The following BCL2L1 variants were observed in gnomAD, a reference collection of about 807,000 sequenced individuals.
BCL2L1 encodes the protein bcl-2-like protein 1.
A neutral mutation model predicts 18.7 loss-of-function variants in BCL2L1; 1 was observed. The observed-to-expected ratio is 0.05, with a 90% CI of 0.02 to 0.25. The LOEUF (loss-of-function observed/expected upper bound fraction) is 0.25. Among genes scored for constraint, BCL2L1 ranks in the 10% least tolerant of loss-of-function variants. The pLI is 1.00. For synonymous variants in BCL2L1, 103 were observed against 122.7 expected (o/e 0.84, Z 1.06); for missense variants, 207 against 304.9 (o/e 0.68, Z 2.39).
chr20:31,665,867 C>T lies in BCL2L1; in HGVS notation c.*82G>A. ...GGCATGGGCTGCATGTAGTGGTTCT[C>T]CTGGTGGCAATGGCGGCTGGACGGA... On this transcript the variant is annotated 3_prime_UTR_variant, in exon 3 of 3. Coordinates refer to ENST00000307677, the MANE Select transcript of BCL2L1 (RefSeq NM_138578.3). The T allele has an allele frequency of 6.4e-7, 1 of 1,555,584 alleles. No individual in the cohort carries two copies. The highest frequency in any genetic ancestry group is 1.4e-5 in the African/African-American group (1 of 74,066).
At chr20:31,716,284 T>A (rs531171909) in intron 2 of BCL2L1, among the ~76,000 whole-genome samples, 1 of 152,288 alleles carries the variant, frequency 6.6e-6, no homozygotes, top group African/African-American at 2.4e-5. Context: ...TGATCACTCT[T>A]TTAAAACTGC....
At chr20:31,717,805 T>A (rs1261794111) in intron 2 of BCL2L1, among the ~76,000 whole-genome samples, 1 of 152,206 alleles carries the variant, frequency 6.6e-6, no homozygotes, top group Non-Finnish European at 1.5e-5. Flanking sequence ...CCAACACAGT[T>A]CATTGCTCCC....
At chr20:31,702,758 C>T (rs1443284052) in intron 2 of BCL2L1, among the ~76,000 whole-genome samples, 10 of 151,144 alleles carry the variant, frequency 6.6e-5, no homozygotes, top group Non-Finnish European at 8.8e-5. Context: ...GTGATCCACC[C>T]GCCTCAGCCT....
chr20:31,716,927 C>G (rs2061545361), intron 2 of BCL2L1: 1 of 152,134 alleles, frequency 6.6e-6, no homozygotes. Flanking sequence ...TGACTCAGGT[C>G]TGCCAACTGG....
At chr20:31,716,247 C>G (rs1364657250) in intron 2 of BCL2L1, among the ~76,000 whole-genome samples, 2 of 152,136 alleles carry the variant, frequency 1.3e-5, no homozygotes, top group Non-Finnish European at 2.9e-5. Context: ...TAGAGGAAAG[C>G]CATTTTTTTC....
At chr20:31,698,531 CA>C (rs1281076232) in intron 2 of BCL2L1, among the ~76,000 whole-genome samples, 3 of 151,950 alleles carry the variant, frequency 2.0e-5, no homozygotes, top group African/African-American at 7.3e-5. Flanking sequence ...CTACTGGACC[CA>C]GTCGATTTTC....
intron 2 of BCL2L1, among the ~76,000 whole-genome samples, chr20:31,671,910 A>G (rs2060675587): frequency 6.8e-6 from 1 of 147,962 alleles, no homozygotes; most frequent in Admixed American, 6.8e-5. Flanking sequence ...TACTATATAT[A>G]TACTTTACAT....
At chr20:31,675,503 G>A (rs952564688) in intron 2 of BCL2L1, among the ~76,000 whole-genome samples, 2 of 152,176 alleles carry the variant, frequency 1.3e-5, no homozygotes, top group African/African-American at 4.8e-5. Context: ...GCGGAGACTC[G>A]GAAGAAGTGA....
intron 2 of BCL2L1, among the ~76,000 whole-genome samples, chr20:31,691,310 T>C (rs1568872145): frequency 6.6e-6 from 1 of 151,508 alleles, no homozygotes; most frequent in East Asian, 1.9e-4. Context: ...GGTCAGGAGT[T>C]GGAGACCAGC....
intron 2 of BCL2L1, among the ~76,000 whole-genome samples, chr20:31,699,717 C>A (rs2061245523): frequency 6.6e-6 from 1 of 152,230 alleles, no homozygotes; most frequent in South Asian, 2.1e-4. Flanking sequence ...CGTAAAGCTG[C>A]AGGACCCTGG....
chr20:31,718,235 G>A (rs1281029629), intron 2 of BCL2L1, among the ~76,000 whole-genome samples: 1 of 152,154 alleles, frequency 6.6e-6, no homozygotes, highest in African/African-American at 2.4e-5. Flanking sequence ...CTGGCTAAGG[G>A]TCTACACTTT....
At chr20:31,690,527 A>G (rs572146026) in intron 2 of BCL2L1, among the ~76,000 whole-genome samples, 12 of 150,632 alleles carry the variant, frequency 8.0e-5, no homozygotes, top group Admixed American at 8.0e-4. Context: ...ACTATCTCTC[A>G]CTCCAGTAGT....
intron 2 of BCL2L1, among the ~76,000 whole-genome samples, chr20:31,716,380 T>G (rs1223061528): frequency 6.6e-6 from 1 of 152,122 alleles, no homozygotes; most frequent in Non-Finnish European, 1.5e-5. Context: ...GATATAAACA[T>G]GTAATTATAT....
intron 2 of BCL2L1, among the ~76,000 whole-genome samples, chr20:31,703,828 TG>T (rs1273059532): frequency 1.4e-5 from 2 of 142,448 alleles, no homozygotes; most frequent in East Asian, 4.2e-4. Context: ...AGACGAGTAT[TG>T]CTCTGTCACC....
At chr20:31,719,456 T>C (rs1487836479) in intron 2 of BCL2L1, among the ~76,000 whole-genome samples, 1 of 152,118 alleles carries the variant, frequency 6.6e-6, no homozygotes, top group Non-Finnish European at 1.5e-5. Flanking sequence ...GGCGGGTACC[T>C]TCTACCCAGG....
At chr20:31,698,737 G>A (rs995100991) in intron 2 of BCL2L1, among the ~76,000 whole-genome samples, 8 of 151,698 alleles carry the variant, frequency 5.3e-5, no homozygotes, top group East Asian at 3.9e-4. Context: ...ACAGAGTTTC[G>A]CCATGTTGCC....
At position 31,721,891 on chromosome 20, in the gene BCL2L1, A is replaced by T; in HGVS notation, c.328T>A (p.Ser110Thr). 6.2e-7 allele frequency: 1 copy of T among 1,614,142 alleles called. No individual in the cohort carries two copies. The highest frequency in any genetic ancestry group is 8.5e-7 in the Non-Finnish European group (1 of 1,180,016). ...RYRRAFSDLT[S>T]QLHITPGTAY... is the part of the protein sequence containing the mutation. ...GTCCCTGGGGTGATGTGGAGCTGGG[A>T]TGTCAGGTCACTGAATGCCCGCCGG... The change falls in exon 2 of 3, where the codon TCC (serine) becomes ACC (threonine). Residue 110 changes from serine (S) to threonine (T), a missense_variant. Ser to Thr is a moderately conservative substitution (Grantham distance 58, BLOSUM62 1). Coordinates refer to ENST00000307677, the MANE Select transcript of BCL2L1 (RefSeq NM_138578.3).
At chr20:31,684,207 G>A (rs904738137) in intron 2 of BCL2L1, among the ~76,000 whole-genome samples, 3 of 152,158 alleles carry the variant, frequency 2.0e-5, no homozygotes, top group Non-Finnish European at 4.4e-5. Context: ...GTATAGCTAG[G>A]TTGGACCAAA....
chr20:31,687,630 T>C (rs560664416), intron 2 of BCL2L1, among the ~76,000 whole-genome samples: 4 of 146,782 alleles, frequency 2.7e-5, no homozygotes, highest in South Asian at 4.3e-4. Flanking sequence ...TGAGCCAAGA[T>C]TGCCACTCCA....
Sources: gnomAD v4.1 joint callset for allele counts (sites outside exome capture counted in the v4.1 genomes callset) on GRCh38, gnomAD v4.1.1 for gene constraint, MANE v1.5 for transcripts, NCBI Gene and HGNC (gene_info 2026-07-23, HGNC 2026-07-21) for gene names.